The following FAT1 variants were observed in gnomAD, a reference collection of about 807,000 sequenced individuals.
The protein encoded by FAT1 is FAT atypical cadherin 1, also known as protocadherin Fat 1.
A neutral mutation model predicts 329.8 loss-of-function variants in FAT1; 171 were observed. The observed-to-expected ratio is 0.52, with a 90% confidence interval of 0.46 to 0.59. The LOEUF (loss-of-function observed/expected upper bound fraction) is 0.59, where lower values mean the gene tolerates loss of function less well. Ranked by LOEUF, FAT1 falls within the 20% of genes least tolerant of loss-of-function variation. The pLI is 0.00. For missense variants in FAT1, 5,672 were observed against 5,774.4 expected (o/e 0.98, Z 0.57); for synonymous variants, 2,233 against 2,228.6 (o/e 1.00, Z -0.06).
chr4:186,605,255 A>G (rs1739053923), intron 17 of FAT1, among the ~76,000 whole-genome samples: 1 of 139,888 alleles, frequency 7.1e-6, no homozygotes, highest in Non-Finnish European at 1.5e-5. Context: ...AGGAAGGAAG[A>G]GGAGGAGTGG....
intron 2 of FAT1, among the ~76,000 whole-genome samples, chr4:186,671,815 T>TC (rs1742745567): frequency 6.6e-6 from 1 of 151,988 alleles, no homozygotes; most frequent in Non-Finnish European, 1.5e-5. Context: ...TGTGTGTGTG[T>TC]GGTGTGTGTG....
At chr4:186,647,902 G>C (rs1263928876) in intron 3 of FAT1, among the ~76,000 whole-genome samples, 2 of 152,144 alleles carry the variant, frequency 1.3e-5, no homozygotes, top group Admixed American at 1.3e-4. Context: ...TGCTCCCAGG[G>C]ACATTCAGTG....
Position 186,619,726 on chromosome 4 carries a change from G to A in FAT1, c.6860C>T (p.Ser2287Phe). ...TGCCTCAGACAGGGTCACCGCATAA[G>A]ACTGCTGAGCAAACACAGGAGGGTT... ...NDNPPVFAQQSYAVTLSEASV... is the reference protein window; with the variant it reads ...NDNPPVFAQQFYAVTLSEASV... Residue 2287 changes from serine to phenylalanine, a missense_variant, in exon 10 of 27, where the codon TCT (serine) becomes TTT (phenylalanine). Physicochemically the swap from Ser to Phe is radical, Grantham distance 155. Around this residue, in one of 2 missense-constraint regions of FAT1, gnomAD observed 3,966 missense variants for 3,915.2 expected, o/e 1.01. Coordinates refer to ENST00000441802, the MANE Select transcript of FAT1 (RefSeq NM_005245.4). 2 of 1,614,010 alleles carry A rather than the reference G, an allele frequency of 1.2e-6. No homozygotes were observed. The highest frequency in any genetic ancestry group is 1.7e-6 in the Non-Finnish European group (2 of 1,179,902).
At chr4:186,700,591 T>G (rs1412775128) in intron 2 of FAT1, among the ~76,000 whole-genome samples, 1 of 152,150 alleles carries the variant, frequency 6.6e-6, no homozygotes, top group South Asian at 2.1e-4. Flanking sequence ...TAACCCAGCT[T>G]AGCACAGAAA....
upstream of FAT1, among the ~76,000 whole-genome samples, chr4:186,724,301 C>T: frequency 6.6e-6 from 1 of 151,772 alleles, no homozygotes; most frequent in Non-Finnish European, 1.5e-5. The surrounding 1 kb of genome is among the most constrained non-coding windows in gnomAD (Gnocchi z 5.3). Context: ...TGGCGCGGCT[C>T]TGGGTCCGCG....
intron 2 of FAT1, among the ~76,000 whole-genome samples, chr4:186,666,091 T>C (rs186367356): frequency 0.011 from 1,690 of 150,200 alleles, 34 homozygotes; most frequent in African/African-American, 0.039. Context: ...ATGTAAATGA[T>C]GAGTTAATGG....
chr4:186,675,750 A>C (rs1295574527), intron 2 of FAT1, among the ~76,000 whole-genome samples: 3 of 147,466 alleles, frequency 2.0e-5, no homozygotes, highest in South Asian at 2.1e-4. Context: ...TAAAACACAC[A>C]CACACCCACA....
chr4:186,693,800 A>G (rs1246825970), intron 2 of FAT1, among the ~76,000 whole-genome samples: 4 of 152,188 alleles, frequency 2.6e-5, no homozygotes. Flanking sequence ...GCCCAAAGAC[A>G]ATAAAACGTT....
At chr4:186,624,704 G>A (rs1740215877) in intron 9 of FAT1, among the ~76,000 whole-genome samples, 1 of 152,174 alleles carries the variant, frequency 6.6e-6, no homozygotes, top group Non-Finnish European at 1.5e-5. Flanking sequence ...AACATGCAGT[G>A]TTACGTACTG....
intron 3 of FAT1, among the ~76,000 whole-genome samples, chr4:186,656,449 G>T (rs576720151): frequency 6.6e-6 from 1 of 152,226 alleles, no homozygotes; most frequent in Non-Finnish European, 1.5e-5. Context: ...AGTAAAACCT[G>T]ACTGGGTATC....
Position 186,603,989 on chromosome 4 carries a change from G to T in FAT1, c.10549-12C>A. 1.3e-6 allele frequency: 2 copies of T among 1,593,776 alleles called. No individual in the cohort carries two copies. Among genetic ancestry groups the T allele is most frequent in the African/African-American group, 1.3e-5 (1 of 74,236 alleles). On this transcript the variant is annotated splice_polypyrimidine_tract_variant and intron_variant, in intron 18 of 26. Transcript: ENST00000441802. ...CCATTATCTGCCACCTACAAGAAAA[G>T]AAAAATAAAATCACCTTTGTCTATG...
intron 2 of FAT1, among the ~76,000 whole-genome samples, chr4:186,690,886 T>TA (rs1475067384): frequency 1.3e-5 from 2 of 152,146 alleles, no homozygotes; most frequent in East Asian, 1.9e-4. Context: ...CATTAATACT[T>TA]ACGCTAATCA....
intron 9 of FAT1, among the ~76,000 whole-genome samples, chr4:186,624,369 G>A (rs1740194059): frequency 6.6e-6 from 1 of 152,132 alleles, no homozygotes; most frequent in African/African-American, 2.4e-5. Context: ...TTCAGCTGGG[G>A]CCCCACTGAC....
rs2126434967 is a variant in FAT1 at position 186,603,896 on chromosome 4, C to T, written c.10630G>A (p.Ala3544Thr). ...RVIEESIYPP[A>T]ILPLEIFITS... is the part of the protein sequence containing the mutation. ...ATGAAAATCTCCAGGGGCAAAATCG[C>T]AGGCGGATAGATGCTCTCCTCAATT... The change falls in exon 19 of 27, where the codon GCG becomes ACG. Residue 3544 changes from alanine to threonine, a missense_variant. Ala to Thr is a moderately conservative substitution (Grantham distance 58). Transcript: ENST00000441802. 6.2e-7 allele frequency: 1 copy of T among 1,613,890 alleles called. No homozygotes were observed. Among genetic ancestry groups the T allele is most frequent in the Non-Finnish European group, 8.5e-7 (1 of 1,179,826 alleles).
rs191917852 is a variant in FAT1, at chr4:186,597,155, C to G, written c.12385G>C (p.Asp4129His). ...FRGERCQSDIDECSGNPCLHG... is the reference protein window; with the variant it reads ...FRGERCQSDIHECSGNPCLHG... Reference sequence around the variant, plus strand: ...AGGCAAGGGTTTCCAGAGCACTCGTCGATATCACTCTGACACCTGCCAAGG... The same window carrying G: ...AGGCAAGGGTTTCCAGAGCACTCGTGGATATCACTCTGACACCTGCCAAGG... Residue 4129 changes from aspartate (D) to histidine (H), a missense_variant, in exon 25 of 27, where the codon GAC (aspartate) becomes CAC (histidine). This residue lies in a region of FAT1 where 1,706 missense variants were observed against 1,859.1 expected (regional missense o/e 0.92). Transcript: ENST00000441802. The G allele has an allele frequency of 6.2e-7, 1 of 1,608,066 alleles. No homozygotes were observed. The highest frequency in any genetic ancestry group is 8.5e-7 in the Non-Finnish European group (1 of 1,176,800).
intron 26 of FAT1, among the ~76,000 whole-genome samples, chr4:186,589,991 C>A (rs993458822): frequency 4.6e-5 from 7 of 152,088 alleles, no homozygotes; most frequent in African/African-American, 1.7e-4. Context: ...TCAAAGCATG[C>A]CAATTCAAGC....
chr4:186,614,051 A>T, intron 12 of FAT1, 140 bp downstream of exon 12: 1 of 652,408 alleles, frequency 1.5e-6, no homozygotes, highest in Non-Finnish European at 2.5e-6. Flanking sequence ...AAGATTTCTA[A>T]GAGATGTCAA....
At chr4:186,718,628 C>A (rs1745328300) in intron 1 of FAT1, among the ~76,000 whole-genome samples, 2 of 152,178 alleles carry the variant, frequency 1.3e-5, no homozygotes. Flanking sequence ...GATTGCGCCA[C>A]TGCACTCCAG....
chr4:186,627,900 C>T (rs913277055), intron 9 of FAT1, among the ~76,000 whole-genome samples: 7 of 152,080 alleles, frequency 4.6e-5, no homozygotes, highest in Non-Finnish European at 7.3e-5. Flanking sequence ...TCCTCTACTA[C>T]GTGGCTTCTC....
Sources: allele counts gnomAD v4.1 joint callset (sites outside exome capture counted in the v4.1 genomes callset), GRCh38; gene constraint gnomAD v4.1.1; regional missense constraint gnomAD v4.1.1; non-coding constraint Gnocchi (gnomAD v3.1); transcripts MANE v1.5; gene names NCBI Gene and HGNC (gene_info 2026-07-23, HGNC 2026-07-21).